INPP5A: variants seen among roughly 807,000 people sequenced by gnomAD.
INPP5A encodes 43 kDa inositol polyphosphate 5-phophatase.
Under a neutral mutation model 65.2 loss-of-function variants are expected in INPP5A, and 14 were observed. The observed-to-expected ratio is 0.21, with a 90% CI of 0.14 to 0.34. INPP5A has a LOEUF of 0.34. INPP5A is among the 10% of genes least tolerant of loss of function. The pLI is 1.00. For missense variants in INPP5A, 431 were observed against 545.6 expected, an observed-to-expected ratio of 0.79 and a Z score of 2.09; for synonymous variants, 207 against 208.3, an observed-to-expected ratio of 0.99 and a Z score of 0.05.
chr10:132,562,480 C>T (rs888830834), intron 1 of INPP5A, among the ~76,000 whole-genome samples: 6 of 152,236 alleles, frequency 3.9e-5, no homozygotes, highest in South Asian at 4.1e-4. Context: ...AGCAGCTCGT[C>T]GGGTCACAGC....
intron 1 of INPP5A, among the ~76,000 whole-genome samples, chr10:132,567,545 G>A (rs1335328611): frequency 6.6e-6 from 1 of 152,198 alleles, no homozygotes; most frequent in African/African-American, 2.4e-5. Context: ...TGCTTCGTTT[G>A]TCAGAGCCAG....
chr10:132,539,257 C>A (rs1431624841), intron 1 of INPP5A, among the ~76,000 whole-genome samples: 1 of 152,236 alleles, frequency 6.6e-6, no homozygotes, highest in Non-Finnish European at 1.5e-5. Context: ...GTCTGTCTGT[C>A]CCTGCAGGGC....
At chr10:132,541,646 G>A (rs551734892) in intron 1 of INPP5A, among the ~76,000 whole-genome samples, 3 of 152,246 alleles carry the variant, frequency 2.0e-5, no homozygotes, top group Non-Finnish European at 4.4e-5. Flanking sequence ...AGCTGGCAGA[G>A]CGATTACATC....
chr10:132,576,762 C>T (rs2071415593), intron 1 of INPP5A, among the ~76,000 whole-genome samples: 1 of 152,210 alleles, frequency 6.6e-6, no homozygotes, highest in African/African-American at 2.4e-5. Flanking sequence ...CTGATGCACC[C>T]AGCGTCTTGC....
rs1047280385 is a variant in INPP5A at position 132,545,361 on chromosome 10, C to T, written c.75+7190C>T. Among the ~76,000 whole-genome samples, 6 of 152,184 alleles carry T rather than the reference C, an allele frequency of 3.9e-5. No homozygotes were observed. In the South Asian group the frequency reaches 6.2e-4, roughly 16 times the overall value. On this transcript the variant is annotated intron_variant, in intron 1 of 15. Transcript: ENST00000368594. This position sits in a 1 kb window ranked among gnomAD's most constrained non-coding sequence, Gnocchi z 4.6. ...TCGGAAGACTTTGACCAGATCGGGG[C>T]GGCTGAGGGGGCTGCCTACGGCAGG...
rs377621531 is a variant in INPP5A, at chr10:132,720,598, C to T, written c.648-6223C>T. Among the ~76,000 whole-genome samples, 263 of 147,862 alleles carry T rather than the reference C, an allele frequency of 1.8e-3. 5 individuals carry two copies. Among genetic ancestry groups the T allele is most frequent in the African/African-American group, 6.3e-3 (253 of 40,008 alleles). On this transcript the variant is annotated intron_variant, in intron 8 of 15. Transcript: ENST00000368594. ...CTCGGTTCTGTCTGGGCACCTTAGA[C>T]GGCTGTCTTCAGGGTTCTGTGGTAC...
chr10:132,648,631 T>C (rs1374999005), intron 3 of INPP5A, among the ~76,000 whole-genome samples: 1 of 152,268 alleles, frequency 6.6e-6, no homozygotes, highest in Non-Finnish European at 1.5e-5. Context: ...TTTTGAAAGC[T>C]GTTTTTGTTG....
At chr10:132,748,679 G>A (rs1846416120) in intron 9 of INPP5A, among the ~76,000 whole-genome samples, 1 of 152,260 alleles carries the variant, frequency 6.6e-6, no homozygotes, top group Non-Finnish European at 1.5e-5. Flanking sequence ...CCGCCAGCCA[G>A]GACCGTGCCT....
intron 9 of INPP5A, among the ~76,000 whole-genome samples, chr10:132,733,074 G>A (rs1322560717): frequency 6.6e-6 from 1 of 152,208 alleles, no homozygotes; most frequent in Admixed American, 6.5e-5. Flanking sequence ...CCCAGCCACA[G>A]GTGGCCCAGA....
In INPP5A at chr10:132,656,128, C is replaced by T. The variant is rs751339686; in HGVS notation, c.306+5623C>T. On this transcript the variant is annotated intron_variant, in intron 4 of 15. Transcript: ENST00000368594. ...GGCCCATGCCCAGGACTGTCCTGAC[C>T]GGACTGAAAGCCCTAGAGGGAAGCT... Among the ~76,000 whole-genome samples the T allele has an allele frequency of 5.4e-4, 83 of 152,362 alleles. 1 individual carries two copies. The highest frequency in any genetic ancestry group is 1.9e-3 in the South Asian group (9 of 4,826).
intron 1 of INPP5A, among the ~76,000 whole-genome samples, chr10:132,594,617 G>T (rs759666178): frequency 2.0e-5 from 3 of 151,834 alleles, no homozygotes; most frequent in African/African-American, 4.8e-5. Flanking sequence ...GTGCGTTTGT[G>T]TGCCTGTGCA....
At chr10:132,609,061 C>G (rs940672526) in intron 2 of INPP5A, among the ~76,000 whole-genome samples, 14 of 152,192 alleles carry the variant, frequency 9.2e-5, no homozygotes, top group Non-Finnish European at 1.5e-5. Context: ...CCCATAGGGA[C>G]AACGGCGTGT....
At chr10:132,595,134 C>T (rs1243866862) in intron 1 of INPP5A, among the ~76,000 whole-genome samples, 2 of 152,200 alleles carry the variant, frequency 1.3e-5, no homozygotes, top group Admixed American at 1.3e-4. Context: ...TGACAGCGCT[C>T]GGCATGAGGG....
In INPP5A at chr10:132,704,166, A is replaced by G. The variant is rs1012149474; in HGVS notation, c.475-4147A>G. Among the ~76,000 whole-genome samples, 5 of 152,006 alleles carry G rather than the reference A, an allele frequency of 3.3e-5. No homozygotes were observed. Among genetic ancestry groups the G allele is most frequent in the Non-Finnish European group, 5.9e-5 (4 of 67,992 alleles). ...AGGAGGTGTCGAGGCACGGAAGATG[A>G]GCTGCTGGTGCTCTAGGGGAGTCGT... On this transcript the variant is annotated intron_variant, in intron 6 of 15. Transcript: ENST00000368594. The surrounding 1 kb of genome is among the most constrained non-coding windows in gnomAD (Gnocchi z 4.5).
intron 5 of INPP5A, among the ~76,000 whole-genome samples, chr10:132,693,676 G>T (rs898798097): frequency 1.3e-5 from 2 of 151,994 alleles, no homozygotes; most frequent in Non-Finnish European, 2.9e-5. Context: ...CAATAAAATG[G>T]ATAAACCTCT....
At chr10:132,728,815 G>A (rs1375379713) in intron 9 of INPP5A, among the ~76,000 whole-genome samples, 2 of 152,188 alleles carry the variant, frequency 1.3e-5, no homozygotes, top group Admixed American at 6.5e-5. Context: ...GGCACGCACT[G>A]GAGCAGCCGC....
intron 8 of INPP5A, among the ~76,000 whole-genome samples, chr10:132,720,936 G>C (rs1422743663): frequency 6.6e-6 from 1 of 150,724 alleles, no homozygotes; most frequent in South Asian, 2.1e-4. Flanking sequence ...TGGTGCCTGG[G>C]TTCTGTCTGG....
At position 132,575,002 on chromosome 10, in the gene INPP5A, A is replaced by G. The variant is rs2071397512; in HGVS notation, c.76-32913A>G. On this transcript the variant is annotated intron_variant, in intron 1 of 15. Coordinates refer to ENST00000368594, the MANE Select transcript of INPP5A (RefSeq NM_005539.5). This position sits in a 1 kb window ranked among gnomAD's most constrained non-coding sequence, Gnocchi z 5.4. Reference sequence around the variant, plus strand: ...AAGCCTGCAGCCCACCTGACGATAGAAACGCAAAGCACACCTCAGCATATG... The same window carrying G: ...AAGCCTGCAGCCCACCTGACGATAGGAACGCAAAGCACACCTCAGCATATG... Among the ~76,000 whole-genome samples, 2 of 152,114 alleles carry G rather than the reference A, an allele frequency of 1.3e-5. No individual in the cohort carries two copies. The highest frequency in any genetic ancestry group is 4.1e-4 in the South Asian group (2 of 4,834).
intron 1 of INPP5A, among the ~76,000 whole-genome samples, chr10:132,544,535 C>G (rs116213561): frequency 1.3e-5 from 2 of 152,018 alleles, no homozygotes; most frequent in African/African-American, 4.8e-5. Context: ...GCGGCAGGAT[C>G]GTCTGTCTGC....
Sources: gnomAD v4.1 joint callset for allele counts (sites outside exome capture counted in the v4.1 genomes callset) on GRCh38, gnomAD v4.1.1 for gene constraint, Gnocchi (gnomAD v3.1) non-coding constraint, MANE v1.5 for transcripts, NCBI Gene and HGNC (gene_info 2026-07-23, HGNC 2026-07-21) for gene names.